The following CTNNA2 variants were observed in gnomAD, a reference collection of about 807,000 sequenced individuals.
The protein encoded by CTNNA2 is catenin alpha 2, also known as catenin alpha-2.
In CTNNA2, 42 loss-of-function variants were observed where a neutral mutation model predicts 101.0. The ratio of observed to expected loss-of-function variants is 0.42; its 90% CI spans 0.32 to 0.54. The LOEUF (loss-of-function observed/expected upper bound fraction) is 0.54. CTNNA2 is among the 20% of genes least tolerant of loss of function. CTNNA2 has a pLI of 0.14. For synonymous variants in CTNNA2, 450 were observed against 456.4 expected (o/e 0.99, Z 0.18); for missense variants, 871 against 1,223.1 (o/e 0.71, Z 4.29).
intron 18 of CTNNA2, among the ~76,000 whole-genome samples, chr2:80,624,148 A>G (rs1411781886): frequency 6.6e-6 from 1 of 151,944 alleles, no homozygotes; most frequent in East Asian, 1.9e-4. Context: ...GTGCCAAGAT[A>G]AGAGATAGGG....
intron 2 of CTNNA2, among the ~76,000 whole-genome samples, chr2:79,282,555 A>G (rs1250962976): frequency 6.7e-6 from 1 of 149,736 alleles, no homozygotes; most frequent in East Asian, 2.0e-4. Flanking sequence ...ATGATTTCCA[A>G]TTTCATCCAT....
At chr2:79,745,059 T>C (rs1442406729) in intron 3 of CTNNA2, among the ~76,000 whole-genome samples, 3 of 152,212 alleles carry the variant, frequency 2.0e-5, no homozygotes, top group African/African-American at 4.8e-5. Flanking sequence ...ATAAATCAGC[T>C]ACCTCTCTAG....
At chr2:79,956,299 C>G (rs1476339113) in intron 7 of CTNNA2, among the ~76,000 whole-genome samples, 1 of 151,960 alleles carries the variant, frequency 6.6e-6, no homozygotes, top group African/African-American at 2.4e-5. Context: ...GCATTTTAGT[C>G]TTATACAAAA....
At chr2:79,335,018 AC>A (rs1183878531) in intron 3 of CTNNA2, among the ~76,000 whole-genome samples, 1 of 152,228 alleles carries the variant, frequency 6.6e-6, no homozygotes, top group East Asian at 1.9e-4. Context: ...CACACATTCA[AC>A]CCACACCCAT....
At chr2:79,308,694 G>T (rs186951854) in intron 2 of CTNNA2, among the ~76,000 whole-genome samples, 111 of 151,554 alleles carry the variant, frequency 7.3e-4, no homozygotes, top group Admixed American at 2.6e-3. Context: ...GGTGAGAGGT[G>T]GGAGTCTGGT....
chr2:80,102,014 G>A (rs1284363986), intron 7 of CTNNA2, among the ~76,000 whole-genome samples: 3 of 151,966 alleles, frequency 2.0e-5, no homozygotes, highest in Non-Finnish European at 4.4e-5. Context: ...TAATTTTTTT[G>A]TGGTTATTTT....
chr2:79,436,104 G>A (rs62156993), intron 4 of CTNNA2, among the ~76,000 whole-genome samples: 2 of 152,082 alleles, frequency 1.3e-5, no homozygotes, highest in Non-Finnish European at 2.9e-5. Context: ...AGCACCACAG[G>A]CTTTTCTGAT....
chr2:80,638,061 C>T (rs1173382596), intron 18 of CTNNA2, among the ~76,000 whole-genome samples: 1 of 152,116 alleles, frequency 6.6e-6, no homozygotes, highest in African/African-American at 2.4e-5. Flanking sequence ...GTTCCTCTTA[C>T]ATTTGTCTTC....
rs190055574 is a variant in CTNNA2 at position 80,129,056 on chromosome 2, G to A, written c.1056+219259G>A. Among the ~76,000 whole-genome samples, 14 of 152,286 alleles carry A rather than the reference G, an allele frequency of 9.2e-5. No individual in the cohort carries two copies. The East Asian group carries it at 2.7e-3, about 29-fold the overall frequency. On this transcript the variant is annotated intron_variant, in intron 7 of 18. Coordinates refer to ENST00000402739, the MANE Select transcript of CTNNA2 (RefSeq NM_001282597.3). ...TTTAGGTATTGTCAGTTCATGCCAA[G>A]ATATGATTCTAAGATGGAATTAAAT...
chr2:80,486,797 A>G (rs2149510246), intron 9 of CTNNA2, among the ~76,000 whole-genome samples: 1 of 152,270 alleles, frequency 6.6e-6, no homozygotes, highest in African/African-American at 2.4e-5. Flanking sequence ...CAATGCTGAG[A>G]AGTTAACAGT....
At chr2:79,290,571 G>T (rs902543316) in intron 2 of CTNNA2, among the ~76,000 whole-genome samples, 1 of 152,078 alleles carries the variant, frequency 6.6e-6, no homozygotes, top group Non-Finnish European at 1.5e-5. Flanking sequence ...ACTCATCGTC[G>T]AGAGGAACAC....
chr2:79,887,401 G>T (rs1315636868), intron 6 of CTNNA2, among the ~76,000 whole-genome samples: 1 of 152,068 alleles, frequency 6.6e-6, no homozygotes, highest in African/African-American at 2.4e-5. Context: ...ACATTTTCTA[G>T]GTCTAATTAT....
intron 7 of CTNNA2, among the ~76,000 whole-genome samples, chr2:80,385,563 A>G (rs12105182): frequency 0.28 from 43,079 of 152,078 alleles, 10,116 homozygotes; most frequent in African/African-American, 0.65. Flanking sequence ...TAATAAAAGA[A>G]CACATAATGG....
chr2:79,558,735 C>A (rs1236241145), intron 1 of CTNNA2, among the ~76,000 whole-genome samples: 1 of 151,922 alleles, frequency 6.6e-6, no homozygotes, highest in Non-Finnish European at 1.5e-5. Flanking sequence ...GAGCCCAAAC[C>A]TACATGCACA....
chr2:80,488,993 T>G (rs1167656742), intron 9 of CTNNA2, among the ~76,000 whole-genome samples: 2 of 152,182 alleles, frequency 1.3e-5, no homozygotes, highest in Non-Finnish European at 2.9e-5. Flanking sequence ...GGTTTTGGAT[T>G]TCTTTGAAGG....
chr2:79,576,763 G>A (rs2103866756), intron 1 of CTNNA2, among the ~76,000 whole-genome samples: 1 of 152,154 alleles, frequency 6.6e-6, no homozygotes, highest in East Asian at 1.9e-4. Flanking sequence ...TAAATAAAAA[G>A]TCTTATGCAT....
intron 2 of CTNNA2, among the ~76,000 whole-genome samples, chr2:79,656,416 G>C (rs17715948): frequency 0.072 from 10,958 of 152,120 alleles, 463 homozygotes; most frequent in South Asian, 0.1. Flanking sequence ...CAATGATACA[G>C]TTTGCTCATA....
chr2:79,379,013 A>G (rs780290771), intron 4 of CTNNA2, among the ~76,000 whole-genome samples: 4 of 152,092 alleles, frequency 2.6e-5, no homozygotes, highest in Non-Finnish European at 5.9e-5. Context: ...TTGTTTTCCT[A>G]TGCCAGTTGC....
intron 7 of CTNNA2, among the ~76,000 whole-genome samples, chr2:80,366,198 AG>A (rs1196147597): frequency 6.6e-6 from 1 of 152,188 alleles, no homozygotes; most frequent in East Asian, 1.9e-4. Context: ...TGAGTTAGAA[AG>A]GTCACAAAGA....
Sources: allele counts gnomAD v4.1 joint callset (sites outside exome capture counted in the v4.1 genomes callset), GRCh38; gene constraint gnomAD v4.1.1; transcripts MANE v1.5; gene names NCBI Gene and HGNC (gene_info 2026-07-23, HGNC 2026-07-21).